The following TRHDE variants were observed in gnomAD, a reference collection of about 807,000 sequenced individuals.
TRHDE encodes thyrotropin releasing hormone degrading enzyme.
A neutral mutation model predicts 125.7 loss-of-function variants in TRHDE; 72 were observed. The ratio of observed to expected loss-of-function variants is 0.57; its 90% CI spans 0.47 to 0.70. TRHDE has a LOEUF of 0.70. Ranked by LOEUF, TRHDE falls within the 30% of genes least tolerant of loss-of-function variation. TRHDE has a pLI of 0.00. For synonymous variants in TRHDE, 509 were observed against 509.1 expected (o/e 1.00, Z 0.00); for missense variants, 1,110 against 1,327.1 (o/e 0.84, Z 2.54).
At chr12:72,656,863 T>C in intron 17 of TRHDE, 64 bp from the exon 18 acceptor site, 1 of 1,132,358 alleles carries the variant, frequency 8.8e-7, no homozygotes. Context: ...CTAAAAAATC[T>C]TTATAGTAAT....
chr12:72,600,157 CT>C (rs1157119827), intron 12 of TRHDE, among the ~76,000 whole-genome samples: 3 of 151,812 alleles, frequency 2.0e-5, no homozygotes, highest in African/African-American at 7.2e-5. Context: ...TAGATTTGGT[CT>C]TATAGTATAG....
At chr12:72,172,970 C>A (rs749277742) in intron 2 of TRHDE, among the ~76,000 whole-genome samples, 1 of 152,158 alleles carries the variant, frequency 6.6e-6, no homozygotes, top group Non-Finnish European at 1.5e-5. Flanking sequence ...GATTAGTAGT[C>A]AACTTCAGAA....
intron 2 of TRHDE, among the ~76,000 whole-genome samples, chr12:72,156,527 A>G (rs1207480130): frequency 6.6e-6 from 1 of 152,154 alleles, no homozygotes; most frequent in Non-Finnish European, 1.5e-5. Flanking sequence ...CTATGCGGCC[A>G]TCTTGGCTCC....
intron 2 of TRHDE, among the ~76,000 whole-genome samples, chr12:72,182,920 C>G (rs1054371475): frequency 6.6e-5 from 10 of 152,016 alleles, no homozygotes; most frequent in African/African-American, 2.4e-4. Context: ...TGTCTTGGAA[C>G]CAGTGTTGTA....
chr12:72,135,506 T>C (rs1407211608), intron 2 of TRHDE, among the ~76,000 whole-genome samples: 1 of 151,832 alleles, frequency 6.6e-6, no homozygotes, highest in Non-Finnish European at 1.5e-5. Context: ...AACTGTCTAC[T>C]GGGACAACCT....
At chr12:72,141,218 AT>A (rs941704128) in intron 2 of TRHDE, among the ~76,000 whole-genome samples, 3 of 152,124 alleles carry the variant, frequency 2.0e-5, no homozygotes, top group Non-Finnish European at 2.9e-5. Context: ...ATAAAATGCT[AT>A]TTTTTTCCCC....
chr12:72,505,229 G>A (rs1878310925), intron 6 of TRHDE, among the ~76,000 whole-genome samples: 1 of 152,096 alleles, frequency 6.6e-6, no homozygotes, highest in Non-Finnish European at 1.5e-5. Context: ...TTTTTAGAGT[G>A]GGAAGAGAAA....
intron 2 of TRHDE, among the ~76,000 whole-genome samples, chr12:72,364,606 A>G (rs1182215438): frequency 6.6e-6 from 1 of 152,046 alleles, no homozygotes; most frequent in Admixed American, 6.6e-5. Flanking sequence ...ATGAGTCCTG[A>G]GGTTCTTACC....
At chr12:72,174,017 C>T (rs182583668) in intron 2 of TRHDE, among the ~76,000 whole-genome samples, 1 of 152,172 alleles carries the variant, frequency 6.6e-6, no homozygotes, top group African/African-American at 2.4e-5. Context: ...TTCTTCAACC[C>T]CTGAATCTGA....
At chr12:72,427,509 C>T (rs367642121) in intron 3 of TRHDE, among the ~76,000 whole-genome samples, 1 of 152,078 alleles carries the variant, frequency 6.6e-6, no homozygotes, top group Middle Eastern at 3.4e-3. Flanking sequence ...GTCTCAATAC[C>T]GTCTCCCTCT....
intron 2 of TRHDE, among the ~76,000 whole-genome samples, chr12:72,131,779 T>C (rs1246090443): frequency 3.9e-5 from 6 of 152,190 alleles, no homozygotes; most frequent in Non-Finnish European, 1.5e-5. Context: ...AAAAATCAAG[T>C]GAACAGGTGA....
At chr12:72,376,753 T>C (rs916546844) in intron 2 of TRHDE, among the ~76,000 whole-genome samples, 1 of 152,100 alleles carries the variant, frequency 6.6e-6, no homozygotes, top group Non-Finnish European at 1.5e-5. Context: ...TTATAAATAA[T>C]AATAGATGAT....
chr12:72,485,669 C>G (rs1877371975), intron 5 of TRHDE, among the ~76,000 whole-genome samples: 1 of 152,180 alleles, frequency 6.6e-6, no homozygotes, highest in South Asian at 2.1e-4. Context: ...AATGTCACAG[C>G]TAACTCGGAG....
At chr12:72,553,911 C>T (rs968328842) in intron 7 of TRHDE, among the ~76,000 whole-genome samples, 1 of 146,560 alleles carries the variant, frequency 6.8e-6, no homozygotes, top group South Asian at 2.2e-4. Flanking sequence ...TACAATGGTA[C>T]AACCTCAACG....
At position 72,194,415 on chromosome 12, in the gene TRHDE, C is replaced by A. The variant is rs867551310; in HGVS notation, n.279+88663C>A. The stretch of plus-strand genomic sequence containing the variant: ...TTGCCTGTAGAGCACCCAGAATGAA[C>A]TTAAAAACAATTCGACTTTTATTTT... On this transcript the variant is annotated intron_variant and non_coding_transcript_variant, in intron 2 of 4. Transcript: ENST00000548156. Among the ~76,000 whole-genome samples, 4 of 152,204 alleles carry A rather than the reference C, an allele frequency of 2.6e-5. No individual in the cohort carries two copies. The Middle Eastern group carries it at 0.01, about 388-fold the overall frequency.
chr12:72,127,961 G>T (rs1383839581), intron 2 of TRHDE, among the ~76,000 whole-genome samples: 1 of 152,050 alleles, frequency 6.6e-6, no homozygotes, highest in Non-Finnish European at 1.5e-5. Context: ...CTGAGAATCT[G>T]GGGGGACTAA....
At chr12:72,495,060 GTTTTTTTTTTTTTT>G (rs751243542) in intron 5 of TRHDE, among the ~76,000 whole-genome samples, 3 of 58,390 alleles carry the variant, frequency 5.1e-5, no homozygotes, top group African/African-American at 2.2e-4. Context: ...TTCCTCCCCC[GTTTTTTTTTTTTTT>G]TTTTTTTTTT....
chr12:72,655,062 TTTGTTG>T (rs764060662), intron 17 of TRHDE, among the ~76,000 whole-genome samples: 7 of 152,048 alleles, frequency 4.6e-5, no homozygotes, highest in African/African-American at 1.4e-4. Flanking sequence ...TGGACTAATT[TTTGTTG>T]TTGTTGTTGT....
chr12:72,670,450 A>G lies in TRHDE; in HGVS notation c.*7255A>G, dbSNP rs1875219653. 6.6e-6 allele frequency: 1 copy of G among 151,752 alleles called. No homozygotes were observed. Among genetic ancestry groups the G allele is most frequent in the South Asian group, 2.1e-4 (1 of 4,836 alleles). The allele number at this position is 151,752 out of a possible 1,614,324, so 9.4% of individuals were successfully genotyped here. On this transcript the variant is annotated 3_prime_UTR_variant, in exon 19 of 19. Coordinates refer to ENST00000261180, the MANE Select transcript of TRHDE (RefSeq NM_013381.3). ...TATGAATTCTGCCTCTGATAATCAA[A>G]TTTTGTACAGCAATGTGTAATGTGT...
Sources: allele counts gnomAD v4.1 joint callset (sites outside exome capture counted in the v4.1 genomes callset), GRCh38; gene constraint gnomAD v4.1.1; transcripts MANE v1.5; gene names NCBI Gene and HGNC (gene_info 2026-07-23, HGNC 2026-07-21).